Variants in HDGFL3 observed in about 807,000 individuals in gnomAD.
The protein encoded by HDGFL3 is HDGF like 3.
Under a neutral mutation model 27.6 loss-of-function variants are expected in HDGFL3, and 6 were observed. The observed-to-expected ratio is 0.22, with a 90% CI of 0.12 to 0.43. The LOEUF (loss-of-function observed/expected upper bound fraction) is 0.43, where lower values mean the gene tolerates loss of function less well. Ranked by LOEUF, HDGFL3 falls within the 20% of genes least tolerant of loss-of-function variation. The pLI, the probability that HDGFL3 is intolerant of heterozygous loss-of-function variation, is 1.00. For missense variants in HDGFL3, 207 were observed against 250.1 expected, an observed-to-expected ratio of 0.83 and a Z score of 1.16; for synonymous variants, 88 against 88.9, an observed-to-expected ratio of 0.99 and a Z score of 0.05.
chr15:83,139,107 C>A lies in HDGFL3; in HGVS notation c.*163G>T, dbSNP rs1265567751. 4 of 424,444 alleles carry A rather than the reference C, an allele frequency of 9.4e-6. No individual in the cohort carries two copies. Among genetic ancestry groups the A allele is most frequent in the Non-Finnish European group, 1.7e-5 (4 of 236,036 alleles). The allele number at this position is 424,444 out of a possible 1,614,324, so 26.3% of individuals were successfully genotyped here. On this transcript the variant is annotated 3_prime_UTR_variant, in exon 6 of 6. Coordinates refer to ENST00000299633, the MANE Select transcript of HDGFL3 (RefSeq NM_016073.4). ...AAAAGGCTAAAATGTCTTTTCCCCC[C>A]GAAACACAACAGAGAGGAATATGAA...
intron 1 of HDGFL3, among the ~76,000 whole-genome samples, chr15:83,169,607 GT>G (rs2037220518): frequency 6.6e-6 from 1 of 151,796 alleles, no homozygotes; most frequent in Non-Finnish European, 1.5e-5. Context: ...TTCGAGACCA[GT>G]CTGGCCAACA....
chr15:83,179,875 A>T (rs908179529), intron 1 of HDGFL3: 3 of 152,226 alleles, frequency 2.0e-5, no homozygotes, highest in Non-Finnish European at 4.4e-5. Context: ...TATCCCTTGA[A>T]TGCATGATGT....
At chr15:83,140,180 T>C (rs2036739973) in intron 5 of HDGFL3, among the ~76,000 whole-genome samples, 2 of 152,176 alleles carry the variant, frequency 1.3e-5, no homozygotes, top group Non-Finnish European at 2.9e-5. Flanking sequence ...TGGTATATAT[T>C]ATAATAAACG....
intron 1 of HDGFL3, among the ~76,000 whole-genome samples, chr15:83,173,975 C>A (rs920936506): frequency 2.6e-5 from 4 of 152,150 alleles, no homozygotes; most frequent in African/African-American, 9.7e-5. Flanking sequence ...ACTGAATGAA[C>A]CATCTGTCAC....
At chr15:83,204,525 G>C (rs975755515) in intron 1 of HDGFL3, among the ~76,000 whole-genome samples, 2 of 152,100 alleles carry the variant, frequency 1.3e-5, no homozygotes, top group African/African-American at 4.8e-5. Context: ...TTTAATTGTA[G>C]AATCTAGGTG....
chr15:83,159,037 C>T (rs570836014), intron 2 of HDGFL3, among the ~76,000 whole-genome samples: 3 of 152,144 alleles, frequency 2.0e-5, no homozygotes, highest in Non-Finnish European at 4.4e-5. Context: ...GACGGGGTTT[C>T]GCCACATTGG....
intron 3 of HDGFL3, among the ~76,000 whole-genome samples, chr15:83,120,391 C>A (rs934976561): frequency 1.3e-5 from 2 of 152,094 alleles, no homozygotes; most frequent in African/African-American, 4.8e-5. Context: ...TCTGCTGGGG[C>A]CCCTGTAACC....
At chr15:83,200,204 AG>A (rs1352563929) in intron 1 of HDGFL3, among the ~76,000 whole-genome samples, 4 of 149,390 alleles carry the variant, frequency 2.7e-5, no homozygotes, top group African/African-American at 9.9e-5. Context: ...AAATCAGCCC[AG>A]CGTGGTGGTG....
chr15:83,151,442 T>C, intron 4 of HDGFL3, 81 bp from the exon 5 acceptor site: 7 of 1,215,500 alleles, frequency 5.8e-6, no homozygotes, highest in Non-Finnish European at 7.0e-6. Flanking sequence ...AATAGCTGAC[T>C]TGCATCTATC....
downstream of HDGFL3, chr15:83,124,774 T>C: frequency 6.2e-7 from 1 of 1,611,098 alleles, no homozygotes; most frequent in Non-Finnish European, 8.5e-7. Context: ...GTTCAGAGGT[T>C]TGGTAAGCAT....
chr15:83,142,058 A>C (rs1415958322), intron 5 of HDGFL3, among the ~76,000 whole-genome samples: 1 of 152,230 alleles, frequency 6.6e-6, no homozygotes, highest in Non-Finnish European at 1.5e-5. Context: ...GGGAACGCTT[A>C]TATGCTGTTG....
chr15:83,175,423 G>A (rs1394785925), intron 1 of HDGFL3, among the ~76,000 whole-genome samples: 1 of 152,168 alleles, frequency 6.6e-6, no homozygotes, highest in Non-Finnish European at 1.5e-5. Flanking sequence ...GCCATTTAAA[G>A]TGTACACCTC....
Position 83,207,570 on chromosome 15 carries a change from G to A in HDGFL3, c.-156C>T, listed in dbSNP as rs1224038494. On this transcript the variant is annotated 5_prime_UTR_variant, in exon 1 of 6. Coordinates refer to ENST00000299633, the MANE Select transcript of HDGFL3 (RefSeq NM_016073.4). This position sits in a 1 kb window ranked among gnomAD's most constrained non-coding sequence, Gnocchi z 4.8. ...GAGGGGAAGCGGCGAGGCGGCGGCT[G>A]AGGCAAGGGGTGGGCGGGGGGCGCA... 2.0e-5 allele frequency: 9 copies of A among 445,562 alleles called. No homozygotes were observed. The South Asian group carries it at 1.0e-3, about 51-fold the overall frequency. The allele number at this position is 445,562 out of a possible 1,614,324, so 27.6% of individuals were successfully genotyped here.
At position 83,207,308 on chromosome 15, in the gene HDGFL3, C is replaced by T; in HGVS notation, c.84+23G>A. 7.5e-7 allele frequency: 1 copy of T among 1,335,978 alleles called. No homozygotes were observed. The highest frequency in any genetic ancestry group is 9.6e-7 in the Non-Finnish European group (1 of 1,037,264). 82.8% of individuals were successfully genotyped at this position (1,335,978 alleles called of 1,614,324 possible). On this transcript the variant is annotated intron_variant, in intron 1 of 5. Coordinates refer to ENST00000299633, the MANE Select transcript of HDGFL3 (RefSeq NM_016073.4). The surrounding 1 kb of genome is among the most constrained non-coding windows in gnomAD (Gnocchi z 4.8). ...AGGGGAAAATGGTGGGCGGGCGGGC[C>T]CGCGCGCGGCCGCGGTACTCACCCG... is the stretch of plus-strand genomic sequence containing the variant.
At chr15:83,192,251 C>T (rs1429041908) in intron 1 of HDGFL3, 1 of 454,108 alleles carries the variant, frequency 2.2e-6, no homozygotes, top group Admixed American at 2.4e-5. Flanking sequence ...CTGTAACTCA[C>T]CTCTTTCTAA....
rs1364770431 is a variant in HDGFL3 at position 83,137,734 on chromosome 15, G to C, written c.*1536C>G. On this transcript the variant is annotated 3_prime_UTR_variant, in exon 6 of 6. Transcript: ENST00000299633. ...GTGCCCTGGAATGATAAATGGACTG[G>C]TGCTTTCATACCCTTAGCTGCCATC... The C allele has an allele frequency of 6.6e-6, 1 of 152,012 alleles. No homozygotes were observed. The highest frequency in any genetic ancestry group is 2.4e-5 in the African/African-American group (1 of 41,410). The allele number at this position is 152,012 out of a possible 1,614,324, so 9.4% of individuals were successfully genotyped here.
chr15:83,119,123 T>G (rs978336336), intron 3 of HDGFL3, among the ~76,000 whole-genome samples: 1 of 152,004 alleles, frequency 6.6e-6, no homozygotes. Flanking sequence ...GGGGAATGAG[T>G]GTTGTGCCAT....
In HDGFL3 at chr15:83,207,456, G is replaced by A. The variant is rs1403548468; in HGVS notation, c.-42C>T. On this transcript the variant is annotated 5_prime_UTR_variant, in exon 1 of 6. Transcript: ENST00000299633. This position sits in a 1 kb window ranked among gnomAD's most constrained non-coding sequence, Gnocchi z 4.8. ...CCTGGTAGTCCTTGGTCGCCGCGAA[G>A]ATGCCGGGAGGCCGCCCCCCCGCGG... The A allele has an allele frequency of 3.2e-6, 4 of 1,252,738 alleles. No individual in the cohort carries two copies. The highest frequency in any genetic ancestry group is 4.1e-6 in the Non-Finnish European group (4 of 986,550). The allele number at this position is 1,252,738 out of a possible 1,614,324, so 77.6% of individuals were successfully genotyped here. A position where few individuals can be genotyped will look rare whatever the true frequency, so the allele number is the denominator to read the frequency against.
At chr15:83,144,265 C>T (rs188852399) in intron 5 of HDGFL3, among the ~76,000 whole-genome samples, 276 of 152,304 alleles carry the variant, frequency 1.8e-3, no homozygotes, top group Admixed American at 2.9e-3. Context: ...AGTTCTAATC[C>T]TCTTGTATCA....
Sources: allele counts gnomAD v4.1 joint callset (sites outside exome capture counted in the v4.1 genomes callset), GRCh38; gene constraint gnomAD v4.1.1; non-coding constraint Gnocchi (gnomAD v3.1); transcripts MANE v1.5; gene names NCBI Gene and HGNC (gene_info 2026-07-23, HGNC 2026-07-21).